SEC24B: variants seen among roughly 807,000 people sequenced by gnomAD.
The protein encoded by SEC24B is protein transport protein Sec24B.
A neutral mutation model predicts 142.8 loss-of-function variants in SEC24B; 45 were observed. The observed-to-expected ratio is 0.32, with a 90% CI of 0.25 to 0.40. The LOEUF is 0.40. SEC24B is among the 10% of genes least tolerant of loss of function. The probability of loss-of-function intolerance (pLI) is 1.00; values close to 1 mark genes in which losing one functional copy is unlikely to be tolerated. For missense variants in SEC24B, 1,409 were observed against 1,526.8 expected (o/e 0.92, Z 1.29); for synonymous variants, 574 against 568.2 (o/e 1.01, Z -0.15).
chr4:109,490,513 C>G (rs543938563), intron 4 of SEC24B, among the ~76,000 whole-genome samples: 1 of 152,016 alleles, frequency 6.6e-6, no homozygotes, highest in African/African-American at 2.4e-5. Flanking sequence ...ATAGAAGGAT[C>G]ATGCAGATTT....
At chr4:109,509,574 G>A (rs1466005748) in intron 7 of SEC24B, among the ~76,000 whole-genome samples, 1 of 151,692 alleles carries the variant, frequency 6.6e-6, no homozygotes, top group Non-Finnish European at 1.5e-5. Flanking sequence ...CTACTCAGGA[G>A]GCTGAGGCAG....
At chr4:109,439,198 C>G (rs1451294860) in intron 1 of SEC24B, among the ~76,000 whole-genome samples, 2 of 152,110 alleles carry the variant, frequency 1.3e-5, no homozygotes, top group Non-Finnish European at 2.9e-5. Flanking sequence ...ATTACTAGAA[C>G]TCACTATGGA....
chr4:109,532,553 G>A (rs1487099538), intron 20 of SEC24B, 86 bp from the exon 21 acceptor site: 10 of 911,812 alleles, frequency 1.1e-5, no homozygotes, highest in Non-Finnish European at 1.8e-5. Context: ...ATTTTCCAAT[G>A]CTTCATAAAG....
At chr4:109,458,845 T>TA (rs2125924518) in intron 1 of SEC24B, among the ~76,000 whole-genome samples, 1 of 151,710 alleles carries the variant, frequency 6.6e-6, no homozygotes, top group African/African-American at 2.4e-5. Context: ...TTTTTTTTTT[T>TA]ACAATGACTG....
At position 109,463,007 on chromosome 4, in the gene SEC24B, A is replaced by T. The variant is rs1731448472; in HGVS notation, c.240A>T (p.Ser80=). 6.2e-7 allele frequency: 1 copy of T among 1,613,992 alleles called. No homozygotes were observed. The highest frequency in any genetic ancestry group is 1.3e-5 in the African/African-American group (1 of 74,910). ...HYSQGPGKMT[S]LPLDTQCGDY... is the part of the protein sequence containing the mutation. ...CTCAAGGACCTGGGAAAATGACCTCATTGCCATTGGATACCCAGTGTGGTG... is the reference window on the plus strand; with the variant it reads ...CTCAAGGACCTGGGAAAATGACCTCTTTGCCATTGGATACCCAGTGTGGTG... Residue 80 remains serine (S), a synonymous_variant, in exon 2 of 24, where the codon TCA becomes TCT. Transcript: ENST00000265175.
At position 109,530,674 on chromosome 4, in the gene SEC24B, TGCGGATCA is replaced by T. The variant is rs1561187260; in HGVS notation, c.3252+213_3252+220del. ...CCCAGCACTTTGGGAGGCCGAGGTGTGCGGATCAGCTGATGCCAGGAGTTTGCAACCAG... is the reference window on the plus strand; with the variant it reads ...CCCAGCACTTTGGGAGGCCGAGGTGTGCTGATGCCAGGAGTTTGCAACCAG... On this transcript the variant is annotated intron_variant, in intron 19 of 23. Transcript: ENST00000265175. Among the ~76,000 whole-genome samples the T allele has an allele frequency of 2.0e-5, 3 of 151,778 alleles. No individual in the cohort carries two copies. The East Asian group carries it at 5.8e-4, about 29-fold the overall frequency.
Position 109,490,978 on chromosome 4 carries a change from G to A in SEC24B, c.1166-349G>A, listed in dbSNP as rs987866835. Among the ~76,000 whole-genome samples the A allele has an allele frequency of 1.4e-4, 22 of 152,090 alleles. 3 individuals carry two copies. Among genetic ancestry groups the A allele is most frequent in the Admixed American group, 1.2e-3 (19 of 15,262 alleles). ...AATATATTTAGTAGTATATTTGGTA[G>A]ATGTAATCCTTAAGATGTGACTATA... On this transcript the variant is annotated intron_variant, in intron 4 of 23. Transcript: ENST00000265175.
intron 1 of SEC24B, among the ~76,000 whole-genome samples, chr4:109,437,772 ACAC>A (rs1728546192): frequency 6.6e-6 from 1 of 152,006 alleles, no homozygotes; most frequent in Non-Finnish European, 1.5e-5. Context: ...CTACAGGCGC[ACAC>A]CACCACTCCT....
chr4:109,506,587 G>T, intron 7 of SEC24B, 75 bp downstream of exon 7: 1 of 1,043,818 alleles, frequency 9.6e-7, no homozygotes, highest in Non-Finnish European at 1.3e-6. Flanking sequence ...AGTAAAAGTA[G>T]TATGTTATTT....
At chr4:109,466,632 G>C (rs1211737753) in intron 2 of SEC24B, among the ~76,000 whole-genome samples, 1 of 152,140 alleles carries the variant, frequency 6.6e-6, no homozygotes, top group Non-Finnish European at 1.5e-5. Context: ...GGATGGTCTT[G>C]ATCTCCTGAC....
intron 1 of SEC24B, among the ~76,000 whole-genome samples, chr4:109,447,255 A>T (rs1729564613): frequency 1.3e-5 from 2 of 152,190 alleles, no homozygotes; most frequent in Non-Finnish European, 2.9e-5. Flanking sequence ...AGTGATTCTC[A>T]GCCTTTTCAT....
chr4:109,434,681 G>A (rs1237669162), intron 1 of SEC24B, among the ~76,000 whole-genome samples: 1 of 152,226 alleles, frequency 6.6e-6, no homozygotes, highest in African/African-American at 2.4e-5. Context: ...GAGTTTGCTT[G>A]TAGTGTTTGA....
intron 3 of SEC24B, 97 bp from the exon 4 acceptor site, chr4:109,481,580 T>C (rs1733740966): frequency 2.7e-6 from 2 of 746,318 alleles, no homozygotes; most frequent in Non-Finnish European, 2.2e-6. Context: ...TTCTTTGGAA[T>C]GTCAGAGTTC....
intron 14 of SEC24B, among the ~76,000 whole-genome samples, chr4:109,523,124 G>A (rs960979047): frequency 3.3e-5 from 5 of 152,068 alleles, no homozygotes; most frequent in African/African-American, 4.8e-5. Flanking sequence ...GATCATTTGA[G>A]CTTAGGAGTT....
intron 1 of SEC24B, among the ~76,000 whole-genome samples, chr4:109,457,331 A>G (rs951924536): frequency 1.3e-5 from 2 of 152,230 alleles, no homozygotes; most frequent in Non-Finnish European, 1.5e-5. Context: ...ATTTTGTGCT[A>G]CTATGACAGA....
At chr4:109,534,585 T>TA (rs1175966154) in intron 22 of SEC24B, among the ~76,000 whole-genome samples, 1 of 151,020 alleles carries the variant, frequency 6.6e-6, no homozygotes, top group Non-Finnish European at 1.5e-5. Flanking sequence ...AGACTCCAAC[T>TA]AAAAAAAGAA....
At chr4:109,529,088 G>A (rs781420902) in intron 18 of SEC24B, among the ~76,000 whole-genome samples, 3 of 151,834 alleles carry the variant, frequency 2.0e-5, no homozygotes, top group African/African-American at 7.3e-5. Flanking sequence ...TGTTGAACCC[G>A]GGAGGCAGAG....
intron 6 of SEC24B, among the ~76,000 whole-genome samples, chr4:109,505,858 T>G (rs1364626515): frequency 6.6e-6 from 1 of 152,204 alleles, no homozygotes; most frequent in East Asian, 1.9e-4. Flanking sequence ...ATAAGAATAA[T>G]GACTGTAATT....
chr4:109,452,345 T>A (rs941650966), intron 1 of SEC24B, among the ~76,000 whole-genome samples: 1 of 152,252 alleles, frequency 6.6e-6, no homozygotes, highest in African/African-American at 2.4e-5. Flanking sequence ...CTTGGTTGTT[T>A]CCAGTGTTTG....
Sources: gnomAD v4.1 joint callset for allele counts (sites outside exome capture counted in the v4.1 genomes callset) on GRCh38, gnomAD v4.1.1 for gene constraint, MANE v1.5 for transcripts, NCBI Gene and HGNC (gene_info 2026-07-23, HGNC 2026-07-21) for gene names.